The following SLC25A26 variants were observed in gnomAD, a reference collection of about 807,000 sequenced individuals.
SLC25A26 encodes solute carrier family 25 member 26, also known as mitochondrial S-adenosylmethionine carrier protein.
SLC25A26 carries 36 observed loss-of-function variants against 37.8 expected under a neutral mutation model. That is an observed-to-expected ratio of 0.95 (90% CI 0.73 to 1.26). SLC25A26 has a LOEUF of 1.26. Among genes scored for constraint, SLC25A26 ranks in the 50% most tolerant of loss-of-function variants. The pLI is 0.00. For missense variants in SLC25A26, 390 were observed against 331.1 expected, an observed-to-expected ratio of 1.18 and a Z score of -1.38; for synonymous variants, 129 against 122.5, an observed-to-expected ratio of 1.05 and a Z score of -0.35.
upstream of SLC25A26, among the ~76,000 whole-genome samples, chr3:66,218,882 T>C (rs2071400330): frequency 6.6e-6 from 1 of 152,256 alleles, no homozygotes. Flanking sequence ...TCAAGTTTTA[T>C]GATATGGCCC....
chr3:66,333,493 A>G (rs1242221019), intron 5 of SLC25A26, among the ~76,000 whole-genome samples: 1 of 151,992 alleles, frequency 6.6e-6, no homozygotes, highest in Non-Finnish European at 1.5e-5. Context: ...GCTGTAGTTA[A>G]ATCTCCCCAG....
chr3:66,325,300 G>GT (rs2075809304), intron 5 of SLC25A26, among the ~76,000 whole-genome samples: 2 of 152,146 alleles, frequency 1.3e-5, no homozygotes, highest in South Asian at 4.1e-4. Context: ...GCTTAATGAG[G>GT]TTTTGTAGAT....
chr3:66,304,524 A>G (rs2075163282), intron 5 of SLC25A26: 2 of 455,552 alleles, frequency 4.4e-6, no homozygotes, highest in African/African-American at 4.0e-5. Flanking sequence ...GCTTGTATAC[A>G]TGCTGTTATA....
chr3:66,284,440 G>A (rs1417372281), intron 5 of SLC25A26, among the ~76,000 whole-genome samples: 5 of 152,164 alleles, frequency 3.3e-5, no homozygotes, highest in African/African-American at 1.2e-4. Context: ...TAAAACTGAA[G>A]ATCCATATAA....
intron 5 of SLC25A26, among the ~76,000 whole-genome samples, chr3:66,294,028 T>C (rs1485099948): frequency 6.6e-6 from 1 of 152,122 alleles, no homozygotes; most frequent in Non-Finnish European, 1.5e-5. Flanking sequence ...ATATGAATTT[T>C]AAAATAGTTT....
At chr3:66,347,677 A>AT (rs2076357415) in intron 6 of SLC25A26, among the ~76,000 whole-genome samples, 3 of 152,360 alleles carry the variant, frequency 2.0e-5, no homozygotes, top group Admixed American at 2.0e-4. Context: ...ATACATACAT[A>AT]TATTCATTGC....
chr3:66,150,603 G>GATATATATATAT (rs1169750069), intron 1 of SLC25A26, among the ~76,000 whole-genome samples: 1 of 26,110 alleles, frequency 3.8e-5, no homozygotes, highest in Non-Finnish European at 7.4e-5. Flanking sequence ...TATGTAATGA[G>GATATATATATAT]ATATATATAT....
intron 1 of SLC25A26, among the ~76,000 whole-genome samples, chr3:66,152,156 G>A (rs180806425): frequency 2.6e-5 from 4 of 152,210 alleles, no homozygotes; most frequent in Admixed American, 6.5e-5. Flanking sequence ...ACCAGTCCTC[G>A]AAAATCTTGT....
At chr3:66,303,975 A>G (rs536380517) in intron 5 of SLC25A26, among the ~76,000 whole-genome samples, 2 of 152,184 alleles carry the variant, frequency 1.3e-5, no homozygotes, top group East Asian at 1.9e-4. Context: ...GGTCCTTGCC[A>G]TGTGGCCCCC....
At chr3:66,245,836 A>T (rs1378378454) in intron 3 of SLC25A26, among the ~76,000 whole-genome samples, 1 of 152,172 alleles carries the variant, frequency 6.6e-6, no homozygotes, top group Non-Finnish European at 1.5e-5. Flanking sequence ...CATACCATAC[A>T]GTTCACCCCT....
chr3:66,166,328 T>C (rs2070424810), intron 1 of SLC25A26, among the ~76,000 whole-genome samples: 2 of 152,226 alleles, frequency 1.3e-5, no homozygotes, highest in African/African-American at 4.8e-5. Context: ...TAGCAGATTT[T>C]TCCTTCAGAA....
intron 5 of SLC25A26, among the ~76,000 whole-genome samples, chr3:66,301,688 A>G (rs2075079949): frequency 6.6e-6 from 1 of 152,248 alleles, no homozygotes; most frequent in Non-Finnish European, 1.5e-5. Flanking sequence ...TTTCCTATCT[A>G]CATGTTACCA....
At chr3:66,296,517 C>G (rs576014290) in intron 5 of SLC25A26, among the ~76,000 whole-genome samples, 2 of 152,232 alleles carry the variant, frequency 1.3e-5, no homozygotes, top group Admixed American at 1.3e-4. Flanking sequence ...TTTAAATAAT[C>G]AGTTTTAAGA....
At chr3:66,179,450 C>T (rs1297163751) in intron 1 of SLC25A26, among the ~76,000 whole-genome samples, 1 of 152,118 alleles carries the variant, frequency 6.6e-6, no homozygotes, top group Non-Finnish European at 1.5e-5. Context: ...AATGTAAGTC[C>T]AGCTAACAGA....
chr3:66,244,900 C>A (rs1489098059), intron 3 of SLC25A26, among the ~76,000 whole-genome samples: 2 of 151,986 alleles, frequency 1.3e-5, no homozygotes, highest in Admixed American at 6.6e-5. Flanking sequence ...TGGCATGAAC[C>A]CGGGAGGCAG....
intron 1 of SLC25A26, among the ~76,000 whole-genome samples, chr3:66,222,530 C>T (rs1403073212): frequency 6.6e-6 from 1 of 152,192 alleles, no homozygotes; most frequent in Non-Finnish European, 1.5e-5. Flanking sequence ...GACACAGCAG[C>T]AGTAGTTTGT....
At chr3:66,162,654 T>C (rs933204763) in intron 1 of SLC25A26, among the ~76,000 whole-genome samples, 2 of 152,110 alleles carry the variant, frequency 1.3e-5, no homozygotes, top group African/African-American at 4.8e-5. Flanking sequence ...TGGAGGAATT[T>C]TAGGCAAGAG....
chr3:66,364,144 GA>G (rs1424246733), intron 7 of SLC25A26, among the ~76,000 whole-genome samples: 1 of 152,124 alleles, frequency 6.6e-6, no homozygotes, highest in African/African-American at 2.4e-5. Context: ...TCCATGTGTT[GA>G]AATAAGAACA....
intron 5 of SLC25A26, among the ~76,000 whole-genome samples, chr3:66,306,564 T>C (rs1450668380): frequency 6.6e-6 from 1 of 152,146 alleles, no homozygotes; most frequent in African/African-American, 2.4e-5. Context: ...TAGGTATACA[T>C]GTGCCATGGT....
Sources: allele counts gnomAD v4.1 joint callset (sites outside exome capture counted in the v4.1 genomes callset), GRCh38; gene constraint gnomAD v4.1.1; transcripts MANE v1.5; gene names NCBI Gene and HGNC (gene_info 2026-07-23, HGNC 2026-07-21).